The following PTPN11 variants were observed in gnomAD, a reference collection of about 807,000 sequenced individuals.
The protein encoded by PTPN11 is protein tyrosine phosphatase non-receptor type 11.
Under a neutral mutation model 78.8 loss-of-function variants are expected in PTPN11, and 6 were observed. The ratio of observed to expected loss-of-function variants is 0.08; its 90% CI spans 0.04 to 0.15. The LOEUF (loss-of-function observed/expected upper bound fraction) is 0.15. Ranked by LOEUF, PTPN11 falls within the 10% of genes least tolerant of loss-of-function variation. PTPN11 has a pLI of 1.00. For missense variants in PTPN11, 386 were observed against 744.8 expected (o/e 0.52, Z 5.61); for synonymous variants, 221 against 263.5 (o/e 0.84, Z 1.56).
rs530703224 is a variant in PTPN11 at position 112,447,122 on chromosome 12, G to A, written c.137+724G>A. ...AGCCTCAAGTGATCCTCCTGCCTCAGCCTCCCAAAGTGTTGGGATTACAGG... is the reference window on the plus strand; with the variant it reads ...AGCCTCAAGTGATCCTCCTGCCTCAACCTCCCAAAGTGTTGGGATTACAGG... On this transcript the variant is annotated intron_variant, in intron 2 of 15. Transcript: ENST00000351677. Among the ~76,000 whole-genome samples the A allele has an allele frequency of 3.3e-5, 5 of 152,276 alleles. No individual in the cohort carries two copies. The East Asian group carries it at 9.6e-4, about 29-fold the overall frequency.
intron 6 of PTPN11, among the ~76,000 whole-genome samples, chr12:112,472,448 T>TA: frequency 6.6e-6 from 1 of 152,356 alleles, no homozygotes; most frequent in South Asian, 2.1e-4. Context: ...GAACAAACAA[T>TA]AGTTTTATTT....
chr12:112,493,903 C>T (rs2038784883), intron 13 of PTPN11, among the ~76,000 whole-genome samples: 1 of 152,126 alleles, frequency 6.6e-6, no homozygotes. Context: ...TGGTTTATTT[C>T]ACTTAGCATA....
intron 10 of PTPN11, among the ~76,000 whole-genome samples, chr12:112,483,762 T>G (rs537096208): frequency 6.6e-6 from 1 of 152,220 alleles, no homozygotes; most frequent in South Asian, 2.1e-4. Flanking sequence ...CCAGTAGAGC[T>G]GACTGGAGGC....
intron 1 of PTPN11, among the ~76,000 whole-genome samples, chr12:112,441,730 G>A (rs572876860): frequency 6.6e-6 from 1 of 152,104 alleles, no homozygotes; most frequent in Non-Finnish European, 1.5e-5. Flanking sequence ...TTTGACTTTA[G>A]AAGTTACTGT....
In PTPN11 at chr12:112,419,139, AG is replaced by A; in HGVS notation, c.14+18del. Reference sequence around the variant, plus strand: ...GACATCGCGGAGGTGAGGAGCCCCGAGGGGCCCGGCGCGGGCCTCGGCCCGG... The same window carrying A: ...GACATCGCGGAGGTGAGGAGCCCCGAGGGCCCGGCGCGGGCCTCGGCCCGG... On this transcript the variant is annotated intron_variant, in intron 1 of 15. Transcript: ENST00000351677. 6.6e-7 allele frequency: 1 copy of A among 1,511,344 alleles called. No individual in the cohort carries two copies. 93.6% of individuals were successfully genotyped at this position (1,511,344 alleles called of 1,614,324 possible).
At chr12:112,498,992 T>C (rs1335970155) in intron 13 of PTPN11, among the ~76,000 whole-genome samples, 1 of 152,240 alleles carries the variant, frequency 6.6e-6, no homozygotes, top group Non-Finnish European at 1.5e-5. Context: ...TGTAATCACT[T>C]TATGTATTAA....
Position 112,502,382 on chromosome 12 carries a change from C to T in PTPN11, c.1712+126C>T, listed in dbSNP as rs928223512. 3.8e-6 allele frequency: 3 copies of T among 794,068 alleles called. No homozygotes were observed. The African/African-American group carries it at 5.1e-5, about 13-fold the overall frequency. 49.2% of individuals were successfully genotyped at this position (794,068 alleles called of 1,614,324 possible). A position where few individuals can be genotyped will look rare whatever the true frequency, so the allele number is the denominator to read the frequency against. Reference sequence around the variant, plus strand: ...TTTCACTGGTGCACGTTCCTGTTGCCCTACTGTTAGTGTATCTGTGACTGG... The same window carrying T: ...TTTCACTGGTGCACGTTCCTGTTGCTCTACTGTTAGTGTATCTGTGACTGG... On this transcript the variant is annotated intron_variant, in intron 14 of 15. Transcript: ENST00000351677.
intron 11 of PTPN11, among the ~76,000 whole-genome samples, chr12:112,487,076 T>A (rs773485453): frequency 5.9e-5 from 9 of 152,090 alleles, no homozygotes; most frequent in Admixed American, 5.2e-4. Flanking sequence ...CTTCTTTTCT[T>A]CTACTCTTCT....
chr12:112,488,783 AG>A (rs2038710638), intron 12 of PTPN11, among the ~76,000 whole-genome samples: 1 of 152,166 alleles, frequency 6.6e-6, no homozygotes, highest in African/African-American at 2.4e-5. Context: ...CCTTGTTTAC[AG>A]TATGGGGTGA....
At chr12:112,465,843 GTGTC>G (rs2038318334) in intron 6 of PTPN11, among the ~76,000 whole-genome samples, 1 of 152,210 alleles carries the variant, frequency 6.6e-6, no homozygotes, top group Non-Finnish European at 1.5e-5. Flanking sequence ...TGGAACAAAA[GTGTC>G]TGCTGTGGAC....
intron 1 of PTPN11, among the ~76,000 whole-genome samples, chr12:112,425,100 C>T (rs898447232): frequency 2.6e-5 from 4 of 151,568 alleles, no homozygotes; most frequent in Non-Finnish European, 4.4e-5. Context: ...GTGATCCACC[C>T]GCCTCGGCCT....
intron 1 of PTPN11, 110 bp downstream of exon 1, chr12:112,419,235 G>T: frequency 8.3e-7 from 1 of 1,204,124 alleles, no homozygotes; most frequent in Non-Finnish European, 1.1e-6. Flanking sequence ...CCCGCCCCGG[G>T]TCGGGGTTGG....
chr12:112,436,009 AC>A (rs1486900780), intron 1 of PTPN11, among the ~76,000 whole-genome samples: 3 of 152,116 alleles, frequency 2.0e-5, no homozygotes, highest in African/African-American at 7.2e-5. Context: ...ACATAGTGGG[AC>A]CCCATCTCTA....
intron 3 of PTPN11, among the ~76,000 whole-genome samples, chr12:112,451,769 T>A (rs1271516519): frequency 3.9e-5 from 6 of 152,238 alleles, no homozygotes; most frequent in African/African-American, 1.4e-4. Context: ...TTGGAATGTT[T>A]GAATTAATTT....
chr12:112,469,983 G>A (rs1042997715), intron 6 of PTPN11, among the ~76,000 whole-genome samples: 1 of 152,000 alleles, frequency 6.6e-6, no homozygotes, highest in African/African-American at 2.4e-5. Flanking sequence ...CTGCAGTGGT[G>A]CAATCATGGT....
chr12:112,456,668 C>T (rs1274035680), intron 6 of PTPN11, among the ~76,000 whole-genome samples: 2 of 151,948 alleles, frequency 1.3e-5, no homozygotes, highest in Non-Finnish European at 2.9e-5. Flanking sequence ...CAGTGTTGCC[C>T]AGGCTGGTCT....
chr12:112,431,903 G>C (rs1451213377), intron 1 of PTPN11, among the ~76,000 whole-genome samples: 1 of 151,798 alleles, frequency 6.6e-6, no homozygotes, highest in African/African-American at 2.4e-5. Context: ...ATGAACCTCT[G>C]TAGGAAAAAA....
chr12:112,476,322 T>C (rs558593841), intron 7 of PTPN11, among the ~76,000 whole-genome samples: 6 of 152,358 alleles, frequency 3.9e-5, no homozygotes, highest in African/African-American at 1.2e-4. Flanking sequence ...ACATTATTCT[T>C]TTAAGACACA....
chr12:112,420,144 C>G (rs1170114926), intron 1 of PTPN11, among the ~76,000 whole-genome samples: 1 of 152,048 alleles, frequency 6.6e-6, no homozygotes, highest in Non-Finnish European at 1.5e-5. Context: ...ATTTGTAAGC[C>G]TTAATTTTGT....
Sources: gnomAD v4.1 joint callset for allele counts (sites outside exome capture counted in the v4.1 genomes callset) on GRCh38, gnomAD v4.1.1 for gene constraint, MANE v1.5 for transcripts, NCBI Gene and HGNC (gene_info 2026-07-23, HGNC 2026-07-21) for gene names.